Variants in KIRREL3 observed in about 807,000 individuals in gnomAD.
KIRREL3 encodes kin of IRRE-like protein 3.
Under a neutral mutation model 89.7 loss-of-function variants are expected in KIRREL3, and 36 were observed. The ratio of observed to expected loss-of-function variants is 0.40; its 90% CI spans 0.31 to 0.53. The LOEUF (loss-of-function observed/expected upper bound fraction) is 0.53, where lower values mean the gene tolerates loss of function less well. Ranked by LOEUF, KIRREL3 falls within the 20% of genes least tolerant of loss-of-function variation. The pLI, the probability that KIRREL3 is intolerant of heterozygous loss-of-function variation, is 0.49. For missense variants in KIRREL3, 864 were observed against 1,056.6 expected, an observed-to-expected ratio of 0.82 and a Z score of 2.53; for synonymous variants, 445 against 441.4, an observed-to-expected ratio of 1.01 and a Z score of -0.10.
At chr11:126,959,643 A>C (rs1478902949) in intron 1 of KIRREL3, among the ~76,000 whole-genome samples, 1 of 152,148 alleles carries the variant, frequency 6.6e-6, no homozygotes, top group African/African-American at 2.4e-5. Flanking sequence ...ATTCCTCCTT[A>C]GATATCTCAA....
rs1180935172 is a variant in KIRREL3 at position 126,655,219 on chromosome 11, T to A, written c.56-92307A>T. 6.6e-6 allele frequency among the ~76,000 whole-genome samples: 1 copy of A among 152,250 alleles called. No homozygotes were observed. Among genetic ancestry groups the A allele is most frequent in the East Asian group, 1.9e-4 (1 of 5,204 alleles). On this transcript the variant is annotated intron_variant, in intron 1 of 16. Transcript: ENST00000525144. The surrounding 1 kb of genome is among the most constrained non-coding windows in gnomAD (Gnocchi z 5.0). ...AGGAGATTAGTCACTTGAGTCAGGATAATTTTTCCTGATGTCAAAGCCTCA... is the reference window on the plus strand; with the variant it reads ...AGGAGATTAGTCACTTGAGTCAGGAAAATTTTTCCTGATGTCAAAGCCTCA...
At chr11:126,951,866 C>A (rs768523641) in intron 1 of KIRREL3, among the ~76,000 whole-genome samples, 11 of 152,156 alleles carry the variant, frequency 7.2e-5, no homozygotes, top group Non-Finnish European at 1.5e-4. Flanking sequence ...CCCTGGAAAA[C>A]CTTTCCACTT....
chr11:126,599,771 G>A (rs1029738277), intron 1 of KIRREL3, among the ~76,000 whole-genome samples: 1 of 152,206 alleles, frequency 6.6e-6, no homozygotes, highest in Non-Finnish European at 1.5e-5. Flanking sequence ...CACTGTGGTT[G>A]AAGGGCCCTG....
Position 126,627,061 on chromosome 11 carries a change from G to C in KIRREL3, c.56-64149C>G, listed in dbSNP as rs1287212909. 6.6e-6 allele frequency among the ~76,000 whole-genome samples: 1 copy of C among 152,030 alleles called. No homozygotes were observed. The highest frequency in any genetic ancestry group is 1.5e-5 in the Non-Finnish European group (1 of 68,012). ...CAGTTTTGAAGCCTCAAAGGAAGGT[G>C]TGTGTGCATGCATGTGTGTGTATGT... On this transcript the variant is annotated intron_variant, in intron 1 of 16. Coordinates refer to ENST00000525144, the MANE Select transcript of KIRREL3 (RefSeq NM_032531.4). This position sits in a 1 kb window ranked among gnomAD's most constrained non-coding sequence, Gnocchi z 5.0.
chr11:126,986,408 A>G (rs1949868124), intron 1 of KIRREL3, among the ~76,000 whole-genome samples: 2 of 152,340 alleles, frequency 1.3e-5, no homozygotes, highest in Non-Finnish European at 2.9e-5. Flanking sequence ...TATTATATAC[A>G]TTCTGAATCT....
chr11:126,640,198 G>T lies in KIRREL3; in HGVS notation c.56-77286C>A, dbSNP rs889832040. 1.3e-5 allele frequency among the ~76,000 whole-genome samples: 2 copies of T among 152,078 alleles called. No homozygotes were observed. On this transcript the variant is annotated intron_variant, in intron 1 of 16. Transcript: ENST00000525144. This position sits in a 1 kb window ranked among gnomAD's most constrained non-coding sequence, Gnocchi z 4.9. ...CTCACTCACCCTTCAGCTGGTGAGT[G>T]GTCCCCGAGAGCTTCTGTCATTTGT...
rs1175258978 is a variant in KIRREL3 at position 126,496,028 on chromosome 11, G to C, written c.434-22562C>G. ...TTGCATCTGCATAGCCCAGGCAACA[G>C]ACATGTGACCCCAGCCCCTCCTATG... is the stretch of plus-strand genomic sequence containing the variant. On this transcript the variant is annotated intron_variant, in intron 4 of 16. Transcript: ENST00000525144. The surrounding 1 kb of genome is among the most constrained non-coding windows in gnomAD (Gnocchi z 4.9). 6.6e-6 allele frequency among the ~76,000 whole-genome samples: 1 copy of C among 152,196 alleles called. No individual in the cohort carries two copies.
intron 5 of KIRREL3, among the ~76,000 whole-genome samples, chr11:126,465,431 G>A (rs1398687073): frequency 6.6e-6 from 1 of 152,198 alleles, no homozygotes; most frequent in Non-Finnish European, 1.5e-5. Context: ...GTGCTGGACG[G>A]TGGGTACCGT....
At chr11:126,887,106 A>G (rs10790853) in intron 1 of KIRREL3, among the ~76,000 whole-genome samples, 93,629 of 151,856 alleles carry the variant, frequency 0.62, 30,389 homozygotes, top group African/African-American at 0.82. Context: ...GACAGCAGGA[A>G]GGTGCATGAA....
rs2134776778 is a variant in KIRREL3, at chr11:126,892,277, T to C, written c.55+108178A>G. Among the ~76,000 whole-genome samples the C allele has an allele frequency of 6.6e-6, 1 of 152,228 alleles. No homozygotes were observed. Among genetic ancestry groups the C allele is most frequent in the Non-Finnish European group, 1.5e-5 (1 of 68,008 alleles). On this transcript the variant is annotated intron_variant, in intron 1 of 16. Coordinates refer to ENST00000525144, the MANE Select transcript of KIRREL3 (RefSeq NM_032531.4). The surrounding 1 kb of genome is among the most constrained non-coding windows in gnomAD (Gnocchi z 5.4). ...TGTTTTCTTCATCCCCTTCGTACCC[T>C]CCTGCTCAGCAGAAGCTGAGGGACT...
In KIRREL3 at chr11:126,921,519, A is replaced by ATCTG. The variant is rs200732363; in HGVS notation, c.55+78932_55+78935dup. Among the ~76,000 whole-genome samples the ATCTG allele has an allele frequency of 1.0e-4, 15 of 149,118 alleles. No homozygotes were observed. The East Asian group carries it at 3.0e-3, about 30-fold the overall frequency. On this transcript the variant is annotated intron_variant, in intron 1 of 16. Transcript: ENST00000525144. ...TCTATTATCTATCTGTAATCTATCT[A>ATCTG]TCTGTCTGTCTGTCTTTCTTTTTCT...
At chr11:126,425,782 C>T in intron 15 of KIRREL3, 58 bp from the exon 16 acceptor site, 1 of 1,363,658 alleles carries the variant, frequency 7.3e-7, no homozygotes, top group Non-Finnish European at 1.0e-6. Flanking sequence ...CCACTTCCCC[C>T]AAGGAAAAGA....
At chr11:126,828,538 G>A (rs1456799209) in intron 1 of KIRREL3, among the ~76,000 whole-genome samples, 1 of 152,196 alleles carries the variant, frequency 6.6e-6, no homozygotes, top group African/African-American at 2.4e-5. Context: ...AGCAGGACCA[G>A]GGGAGTGGGG....
intron 1 of KIRREL3, among the ~76,000 whole-genome samples, chr11:126,674,524 A>C (rs1946100280): frequency 6.6e-6 from 1 of 152,218 alleles, no homozygotes; most frequent in Non-Finnish European, 1.5e-5. Flanking sequence ...TACTCTCAGA[A>C]TCCTGACACT....
chr11:126,502,762 G>A (rs117645883), intron 4 of KIRREL3, among the ~76,000 whole-genome samples: 11 of 152,196 alleles, frequency 7.2e-5, no homozygotes, highest in African/African-American at 2.2e-4. Context: ...ATCTCCAAAA[G>A]GTGATCTTTA....
chr11:126,888,774 C>A (rs974215656), intron 1 of KIRREL3, among the ~76,000 whole-genome samples: 4 of 152,104 alleles, frequency 2.6e-5, no homozygotes, highest in Admixed American at 2.6e-4. Context: ...CAGACCAGGC[C>A]CTAGAGCAGT....
intron 1 of KIRREL3, among the ~76,000 whole-genome samples, chr11:126,738,533 C>T (rs1948879444): frequency 6.6e-6 from 1 of 152,128 alleles, no homozygotes; most frequent in Non-Finnish European, 1.5e-5. Context: ...ACTGAGTTTC[C>T]TATTTTTTTT....
intron 13 of KIRREL3, among the ~76,000 whole-genome samples, chr11:126,434,578 G>A (rs1955248479): frequency 6.6e-6 from 1 of 152,202 alleles, no homozygotes; most frequent in Non-Finnish European, 1.5e-5. Flanking sequence ...CTGGGATGGA[G>A]GACCACTCAA....
At chr11:126,674,073 C>G (rs1172209387) in intron 1 of KIRREL3, among the ~76,000 whole-genome samples, 1 of 152,208 alleles carries the variant, frequency 6.6e-6, no homozygotes, top group African/African-American at 2.4e-5. Context: ...ATGGCCAGGA[C>G]CCTTTCAAGC....
Sources: allele counts gnomAD v4.1 joint callset (sites outside exome capture counted in the v4.1 genomes callset), GRCh38; gene constraint gnomAD v4.1.1; non-coding constraint Gnocchi (gnomAD v3.1); transcripts MANE v1.5; gene names NCBI Gene and HGNC (gene_info 2026-07-23, HGNC 2026-07-21).